The following CCDC112 variants were observed in gnomAD, a reference collection of about 807,000 sequenced individuals.
CCDC112 encodes the protein coiled-coil domain containing 112.
In CCDC112, 40 loss-of-function variants were observed where a neutral mutation model predicts 66.3. The observed-to-expected ratio is 0.60, with a 90% CI of 0.47 to 0.79. The LOEUF (loss-of-function observed/expected upper bound fraction) is 0.79, where lower values mean the gene tolerates loss of function less well. CCDC112 is among the 30% of genes least tolerant of loss of function. The pLI is 0.00. For synonymous variants in CCDC112, 214 were observed against 197.2 expected (o/e 1.09, Z -0.71); for missense variants, 659 against 603.8 (o/e 1.09, Z -0.96).
rs779191873 is a variant in CCDC112 at position 115,268,947 on chromosome 5, A to G, written c.1482T>C (p.Gly494=). ...CTATCTTTTTGGTTCGTTCTTCCCA[A>G]CCTTTGGTGGGTTTGTAAAGCCTAG... ...DPSRLYKPTK[G]WEERTKKIGP... The change falls in exon 9 of 10, where the codon GGT becomes GGC. Residue 494 remains glycine (G), a synonymous_variant. Transcript: ENST00000379611. 6 of 1,606,984 alleles carry G rather than the reference A, an allele frequency of 3.7e-6. No individual in the cohort carries two copies. The highest frequency in any genetic ancestry group is 2.3e-5 in the East Asian group (1 of 43,988).
At position 115,293,160 on chromosome 5, in the gene CCDC112, T is replaced by C. The variant is rs191950642; in HGVS notation, c.117+3267A>G. ...AATCTAACACAGAGTAGAACAATAG[T>C]TGCCAGAGGCTGGTGGGGAGGGCAA... is the stretch of plus-strand genomic sequence containing the variant. On this transcript the variant is annotated intron_variant, in intron 1 of 9. Coordinates refer to ENST00000379611, the MANE Select transcript of CCDC112 (RefSeq NM_001040440.3). Among the ~76,000 whole-genome samples, 66 of 152,332 alleles carry C rather than the reference T, an allele frequency of 4.3e-4. No individual in the cohort carries two copies. The Middle Eastern group carries it at 0.01, about 24-fold the overall frequency.
At chr5:115,291,669 C>T (rs939424950) in intron 1 of CCDC112, among the ~76,000 whole-genome samples, 4 of 152,256 alleles carry the variant, frequency 2.6e-5, no homozygotes, top group South Asian at 2.1e-4. Context: ...TCTATTTTAG[C>T]TTGAAGGACT....
chr5:115,285,890 G>A (rs1749654362), intron 1 of CCDC112, among the ~76,000 whole-genome samples: 1 of 151,982 alleles, frequency 6.6e-6, no homozygotes, highest in Admixed American at 6.6e-5. Flanking sequence ...AATAAAAGAA[G>A]ACTCAATGTA....
chr5:115,289,354 T>C (rs1459262318), intron 1 of CCDC112: 3 of 156,082 alleles, frequency 1.9e-5, no homozygotes, highest in Non-Finnish European at 4.2e-5. Context: ...GAAAGGCACC[T>C]GCCTGGTGCT....
intron 9 of CCDC112, 21 bp downstream of exon 9, chr5:115,268,861 C>G: frequency 7.3e-7 from 1 of 1,373,510 alleles, no homozygotes; most frequent in Non-Finnish European, 1.0e-6. Context: ...TAAATGAACA[C>G]CAATTCTAAC....
Position 115,284,855 on chromosome 5 carries a change from G to C in CCDC112, c.171C>G (p.Asn57Lys). ...TAGTCTGATTAACTTTCTGCTTCCA[G>C]TTCTGAAGATGAAAAGGACGAATTC... is the stretch of plus-strand genomic sequence containing the variant. The part of the protein sequence containing the change: ...SGGIRPFHLQ[N>K]WKQKVNQTKK... The change falls in exon 2 of 10, where the codon AAC becomes AAG. Residue 57 changes from asparagine (N) to lysine (K), a missense_variant. Coordinates refer to ENST00000379611, the MANE Select transcript of CCDC112 (RefSeq NM_001040440.3). 1 of 1,612,374 alleles carries C rather than the reference G, an allele frequency of 6.2e-7. No individual in the cohort carries two copies. The highest frequency in any genetic ancestry group is 8.5e-7 in the Non-Finnish European group (1 of 1,178,700).
At chr5:115,292,435 T>C (rs543487074) in intron 1 of CCDC112, among the ~76,000 whole-genome samples, 1 of 152,350 alleles carries the variant, frequency 6.6e-6, no homozygotes, top group South Asian at 2.1e-4. Flanking sequence ...CCTTTAGTTC[T>C]TTGAACATAT....
At chr5:115,283,338 G>A (rs529108950) in intron 2 of CCDC112, among the ~76,000 whole-genome samples, 1 of 152,130 alleles carries the variant, frequency 6.6e-6, no homozygotes, top group Non-Finnish European at 1.5e-5. Context: ...CTGTTTCTGA[G>A]TTTGACTTTT....
At chr5:115,281,734 C>T (rs533580948) in intron 2 of CCDC112, among the ~76,000 whole-genome samples, 2 of 152,224 alleles carry the variant, frequency 1.3e-5, no homozygotes, top group South Asian at 4.2e-4. Context: ...TCAAAATATG[C>T]TAATTAATGG....
chr5:115,285,378 A>G (rs1749633043), intron 1 of CCDC112, among the ~76,000 whole-genome samples: 1 of 152,174 alleles, frequency 6.6e-6, no homozygotes, highest in African/African-American at 2.4e-5. Flanking sequence ...TAGGGCTCAG[A>G]TGGAGAAAGC....
rs775478272 is a variant in CCDC112, at chr5:115,271,407, CTTCTT to C, written c.1133_1137del (p.Lys378ArgfsTer17). Reference sequence around the variant, plus strand: ...TGATGTTTTTTCTCTTTCTCTTCTTCTTCTTTTAACTGGGAAGCACATTTCATTGA... The same window carrying C: ...TGATGTTTTTTCTCTTTCTCTTCTTCTTAACTGGGAAGCACATTTCATTGA... On this transcript the variant is annotated frameshift_variant, in exon 7 of 10. Transcript: ENST00000379611. LOFTEE classifies it high-confidence loss of function. The C allele has an allele frequency of 3.7e-6, 6 of 1,608,050 alleles. No homozygotes were observed. Among genetic ancestry groups the C allele is most frequent in the Non-Finnish European group, 3.4e-6 (4 of 1,178,810 alleles).
At chr5:115,271,776 G>A in intron 6 of CCDC112, 150 bp from the exon 7 acceptor site, 4 of 548,510 alleles carry the variant, frequency 7.3e-6, no homozygotes, top group Non-Finnish European at 2.9e-6. Flanking sequence ...TTTAACCATT[G>A]CAATTTTTTT....
At chr5:115,276,771 C>T (rs767188126) in intron 4 of CCDC112, among the ~76,000 whole-genome samples, 194 bp downstream of exon 4, 1 of 152,036 alleles carries the variant, frequency 6.6e-6, no homozygotes, top group Non-Finnish European at 1.5e-5. Context: ...TATAGTTCTC[C>T]GGTGTAAACT....
intron 6 of CCDC112, 126 bp from the exon 7 acceptor site, chr5:115,271,752 T>A: frequency 1.6e-6 from 1 of 629,162 alleles, no homozygotes; most frequent in Non-Finnish European, 2.5e-6. Context: ...GATGCTTAGG[T>A]TTTTCAGCTT....
chr5:115,291,999 A>T (rs946767463), intron 1 of CCDC112, among the ~76,000 whole-genome samples: 3 of 152,194 alleles, frequency 2.0e-5, no homozygotes, highest in African/African-American at 7.2e-5. Context: ...TATTCTACTT[A>T]GAGTTCATTG....
intron 1 of CCDC112, 82 bp downstream of exon 1, chr5:115,296,345 G>A: frequency 7.1e-7 from 1 of 1,413,220 alleles, no homozygotes; most frequent in Admixed American, 3.0e-5. Context: ...CCTCCCGCCG[G>A]CGCTGCAGAG....
intron 1 of CCDC112, chr5:115,296,193 G>C (rs1041483987): frequency 4.6e-5 from 59 of 1,269,444 alleles, no homozygotes; most frequent in Admixed American, 4.3e-5. Context: ...GCTAGGAAGC[G>C]GCAGAGCCGG....
At chr5:115,274,102 T>C (rs1749106386) in intron 6 of CCDC112, among the ~76,000 whole-genome samples, 1 of 152,108 alleles carries the variant, frequency 6.6e-6, no homozygotes, top group African/African-American at 2.4e-5. Flanking sequence ...TCGTCATCAC[T>C]GAACTCTACA....
chr5:115,289,633 C>T (rs1749836330), intron 1 of CCDC112, among the ~76,000 whole-genome samples: 1 of 152,174 alleles, frequency 6.6e-6, no homozygotes, highest in Admixed American at 6.5e-5. Flanking sequence ...CTTTGTTCAA[C>T]ATGTATTTTA....
Sources: allele counts gnomAD v4.1 joint callset (sites outside exome capture counted in the v4.1 genomes callset), GRCh38; gene constraint gnomAD v4.1.1; transcripts MANE v1.5; gene names NCBI Gene and HGNC (gene_info 2026-07-23, HGNC 2026-07-21).